The following MBNL2 variants were observed in gnomAD, a reference collection of about 807,000 sequenced individuals.
MBNL2 encodes muscleblind-like protein 2.
MBNL2 carries 17 observed loss-of-function variants against 41.9 expected under a neutral mutation model. The observed-to-expected ratio is 0.41, with a 90% CI of 0.28 to 0.61. The LOEUF is 0.61. Ranked by LOEUF, MBNL2 falls within the 20% of genes least tolerant of loss-of-function variation. The probability of loss-of-function intolerance (pLI) is 0.35; values close to 1 mark genes in which losing one functional copy is unlikely to be tolerated. For synonymous variants in MBNL2, 195 were observed against 182.9 expected (o/e 1.07, Z -0.53); for missense variants, 336 against 505.6 (o/e 0.66, Z 3.22).
chr13:97,368,527 A>G (rs576299978), intron 8 of MBNL2, among the ~76,000 whole-genome samples: 113 of 152,334 alleles, frequency 7.4e-4, no homozygotes, highest in African/African-American at 2.6e-3. Flanking sequence ...GATCTTTTTT[A>G]AGAAAGGAAA....
At chr13:97,290,088 A>C (rs2055515450) in intron 2 of MBNL2, among the ~76,000 whole-genome samples, 1 of 152,144 alleles carries the variant, frequency 6.6e-6, no homozygotes, top group Non-Finnish European at 1.5e-5. Flanking sequence ...GCAATCCCTC[A>C]TGGAGTTCCC....
chr13:97,184,238 G>A, the MBNL2 span, among the ~76,000 whole-genome samples: 1 of 152,176 alleles, frequency 6.6e-6, no homozygotes, highest in Non-Finnish European at 1.5e-5. Context: ...TCTAAAGTGT[G>A]CATGCAATAT....
the MBNL2 span, among the ~76,000 whole-genome samples, chr13:97,157,939 T>C: frequency 1.2e-3 from 185 of 150,024 alleles, no homozygotes; most frequent in South Asian, 2.8e-3. Context: ...TCCCTCTTTT[T>C]CTATTGATTG....
chr13:97,345,356 A>G (rs931610073), intron 4 of MBNL2, among the ~76,000 whole-genome samples: 7 of 152,232 alleles, frequency 4.6e-5, no homozygotes, highest in African/African-American at 1.7e-4. Context: ...TATATAAGCA[A>G]CATGCATATG....
At chr13:97,142,564 C>G in the MBNL2 span, among the ~76,000 whole-genome samples, 3 of 152,208 alleles carry the variant, frequency 2.0e-5, no homozygotes, top group African/African-American at 7.2e-5. Flanking sequence ...TCCACCTCCC[C>G]ACACTGGCCT....
chr13:97,245,467 C>G (rs576690398), intron 1 of MBNL2, among the ~76,000 whole-genome samples: 5 of 152,282 alleles, frequency 3.3e-5, no homozygotes, highest in African/African-American at 9.6e-5. Flanking sequence ...CTTCTCCCTA[C>G]GAAAGCGTAA....
intron 2 of MBNL2, among the ~76,000 whole-genome samples, chr13:97,287,922 T>TG (rs1566393524): frequency 8.3e-6 from 1 of 119,942 alleles, no homozygotes; most frequent in African/African-American, 3.1e-5. Flanking sequence ...TTTTCTGTTT[T>TG]TTTTTTGTTT....
the MBNL2 span, among the ~76,000 whole-genome samples, chr13:97,159,377 G>A: frequency 6.6e-6 from 1 of 151,804 alleles, no homozygotes; most frequent in East Asian, 1.9e-4. Flanking sequence ...CTTTTAATTG[G>A]AGCATTTAGT....
chr13:97,291,660 C>G (rs1050980083), intron 2 of MBNL2, among the ~76,000 whole-genome samples: 2 of 151,686 alleles, frequency 1.3e-5, no homozygotes, highest in Non-Finnish European at 2.9e-5. Context: ...TTTGGGAAGC[C>G]GAGGTGGGCG....
At chr13:97,282,894 G>C (rs1158168770) in intron 2 of MBNL2, among the ~76,000 whole-genome samples, 1 of 152,212 alleles carries the variant, frequency 6.6e-6, no homozygotes, top group African/African-American at 2.4e-5. Flanking sequence ...ATCTGGCACA[G>C]AGCAGAAGTG....
In MBNL2 at chr13:97,283,040, C is replaced by A. The variant is rs146924423; in HGVS notation, c.174+6631C>A. On this transcript the variant is annotated intron_variant, in intron 2 of 8. Coordinates refer to ENST00000679496, the MANE Select transcript of MBNL2 (RefSeq NM_001382683.1). ...CGTTCACCATTTCCTTTAACATCTC[C>A]GTTTCATTTTGCAGATTTGGTCATT... 1.6e-3 allele frequency among the ~76,000 whole-genome samples: 242 copies of A among 152,318 alleles called. 1 individual carries two copies. Among genetic ancestry groups the A allele is most frequent in the African/African-American group, 5.6e-3 (234 of 41,568 alleles).
intron 1 of MBNL2, among the ~76,000 whole-genome samples, chr13:97,236,057 T>C (rs1258485223): frequency 6.6e-6 from 1 of 152,154 alleles, no homozygotes; most frequent in Admixed American, 6.5e-5. Flanking sequence ...GCTTCCTTGC[T>C]CAAAATGGCA....
chr13:97,389,149 T>C (rs2066182703), intron 8 of MBNL2, among the ~76,000 whole-genome samples: 1 of 152,228 alleles, frequency 6.6e-6, no homozygotes, highest in Non-Finnish European at 1.5e-5. Context: ...GACTAGTTTA[T>C]GCTTTAGTTA....
chr13:97,204,138 GA>G, the MBNL2 span, among the ~76,000 whole-genome samples: 8 of 152,196 alleles, frequency 5.3e-5, no homozygotes, highest in African/African-American at 1.9e-4. Flanking sequence ...ATTTACCCGA[GA>G]CAGAGGCAGC....
chr13:97,255,847 G>T (rs889206471), intron 1 of MBNL2, among the ~76,000 whole-genome samples: 4 of 152,142 alleles, frequency 2.6e-5, no homozygotes, highest in Non-Finnish European at 5.9e-5. Context: ...GGTAACTAAA[G>T]TGCTTCCCTT....
the MBNL2 span, among the ~76,000 whole-genome samples, chr13:97,202,473 A>T: frequency 6.6e-6 from 1 of 152,194 alleles, no homozygotes; most frequent in African/African-American, 2.4e-5. Flanking sequence ...TAAATGAAAT[A>T]ATACACGTAA....
chr13:97,266,568 G>A (rs927622485), intron 1 of MBNL2, among the ~76,000 whole-genome samples: 4 of 152,208 alleles, frequency 2.6e-5, no homozygotes, highest in South Asian at 2.1e-4. Context: ...GGCCCTCTCC[G>A]CCCAGGCGTC....
intron 1 of MBNL2, among the ~76,000 whole-genome samples, chr13:97,251,836 T>C (rs1399730364): frequency 5.5e-4 from 19 of 34,614 alleles, no homozygotes; most frequent in Non-Finnish European, 1.1e-3. Flanking sequence ...CCTCAATTCT[T>C]TTTTTTTTTT....
intron 2 of MBNL2, among the ~76,000 whole-genome samples, chr13:97,306,060 C>T (rs935482507): frequency 6.6e-6 from 1 of 152,174 alleles, no homozygotes; most frequent in Non-Finnish European, 1.5e-5. Context: ...CTAGTCTGCA[C>T]ATGTTCCCTT....
Sources: allele counts gnomAD v4.1 joint callset (sites outside exome capture counted in the v4.1 genomes callset), GRCh38; gene constraint gnomAD v4.1.1; transcripts MANE v1.5; gene names NCBI Gene and HGNC (gene_info 2026-07-23, HGNC 2026-07-21).